The following TMEM131 variants were observed in gnomAD, a reference collection of about 807,000 sequenced individuals.
TMEM131 encodes the protein transmembrane protein 131, also known as 2610524E03Rik.
In TMEM131, 66 loss-of-function variants were observed where a neutral mutation model predicts 211.6. The observed-to-expected ratio is 0.31, with a 90% confidence interval of 0.26 to 0.38. The LOEUF (loss-of-function observed/expected upper bound fraction) is 0.38, where lower values mean the gene tolerates loss of function less well. TMEM131 is among the 10% of genes least tolerant of loss of function. The pLI is 1.00. For missense variants in TMEM131, 2,036 were observed against 2,299.3 expected, an observed-to-expected ratio of 0.89 and a Z score of 2.34; for synonymous variants, 844 against 841.3, an observed-to-expected ratio of 1.00 and a Z score of -0.06.
At chr2:97,847,595 T>C (rs1347399619) in intron 5 of TMEM131, among the ~76,000 whole-genome samples, 1 of 152,178 alleles carries the variant, frequency 6.6e-6, no homozygotes, top group Non-Finnish European at 1.5e-5. Context: ...ATGTTAGTTC[T>C]CCTGAAATGG....
intron 31 of TMEM131, among the ~76,000 whole-genome samples, chr2:97,790,440 CAAT>C (rs1559360180): frequency 6.6e-6 from 1 of 152,192 alleles, no homozygotes; most frequent in Non-Finnish European, 1.5e-5. Context: ...CAAGAGTCAC[CAAT>C]AATGTGGCAT....
chr2:97,838,426 CTTTTTTTTTTTTTTTTTTTTTT>C (rs753635047), intron 7 of TMEM131, among the ~76,000 whole-genome samples: 10 of 89,094 alleles, frequency 1.1e-4, no homozygotes, highest in East Asian at 5.0e-4. Context: ...TAAGCTTAAA[CTTTTTTTTTTTTTTTTTTTTTT>C]TTTTTTTTTT....
At chr2:97,850,234 A>T (rs1384972778) in intron 5 of TMEM131, among the ~76,000 whole-genome samples, 1 of 152,178 alleles carries the variant, frequency 6.6e-6, no homozygotes, top group Admixed American at 6.6e-5. Context: ...AAAAATGCAG[A>T]CCTAACAGAT....
At chr2:97,871,026 C>CA (rs1275076975) in intron 4 of TMEM131, among the ~76,000 whole-genome samples, 1 of 152,114 alleles carries the variant, frequency 6.6e-6, no homozygotes, top group African/African-American at 2.4e-5. Context: ...TTTATCTTGA[C>CA]AATAAAGACA....
At chr2:97,947,640 TAGACAGTCAATACAATTCCAATCA>T (rs1318537064) in intron 1 of TMEM131, among the ~76,000 whole-genome samples, 1 of 152,140 alleles carries the variant, frequency 6.6e-6, no homozygotes, top group African/African-American at 2.4e-5. Context: ...CAAATTGATC[TAGACAGTCAATACAATTCCAATCA>T]AGTTTTTTGT....
chr2:97,826,738 A>AC (rs1682406522), intron 11 of TMEM131, among the ~76,000 whole-genome samples: 1 of 152,130 alleles, frequency 6.6e-6, no homozygotes, highest in African/African-American at 2.4e-5. Context: ...AAAAAAGTGT[A>AC]CCCTAGTCCT....
intron 25 of TMEM131, among the ~76,000 whole-genome samples, chr2:97,800,568 G>T (rs1680980184): frequency 7.3e-6 from 1 of 136,988 alleles, no homozygotes; most frequent in Non-Finnish European, 1.5e-5. Flanking sequence ...TGGCCAACAT[G>T]GTGAAACCCC....
At chr2:97,905,563 C>A (rs1676034444) in intron 3 of TMEM131, among the ~76,000 whole-genome samples, 1 of 152,152 alleles carries the variant, frequency 6.6e-6, no homozygotes. Flanking sequence ...GTTTTTTAGT[C>A]ATTTTTCTCC....
In TMEM131 at chr2:97,797,520, G is replaced by C; in HGVS notation, c.2719-4C>G. On this transcript the variant is annotated splice_region_variant and splice_polypyrimidine_tract_variant and intron_variant, in intron 25 of 40. Transcript: ENST00000186436. ...TTGAACTCTGCAGTGGATGAGCCTT[G>C]AATCATTGGGTAAACAGAGAGGAGT... 1 of 1,604,740 alleles carries C rather than the reference G, an allele frequency of 6.2e-7. No individual in the cohort carries two copies. The highest frequency in any genetic ancestry group is 8.5e-7 in the Non-Finnish European group (1 of 1,176,282).
rs749435273 is a variant in TMEM131 at position 97,834,687 on chromosome 2, A to C, written c.956-10T>G. The C allele has an allele frequency of 6.3e-7, 1 of 1,597,288 alleles. No individual in the cohort carries two copies. Among genetic ancestry groups the C allele is most frequent in the Non-Finnish European group, 8.5e-7 (1 of 1,174,150 alleles). ...GAATAAATTCCAGGAGCTTGGAAAA[A>C]AGAAAAGTCAACAATTATTTTTCAC... On this transcript the variant is annotated splice_polypyrimidine_tract_variant and intron_variant, in intron 9 of 40. Coordinates refer to ENST00000186436, the MANE Select transcript of TMEM131 (RefSeq NM_015348.2).
At chr2:97,853,413 G>A (rs949559605) in intron 5 of TMEM131, among the ~76,000 whole-genome samples, 1 of 139,146 alleles carries the variant, frequency 7.2e-6, no homozygotes, top group African/African-American at 2.7e-5. Context: ...TCGCCAACAT[G>A]GTGAAATCCC....
chr2:97,913,637 T>C (rs1217712154), intron 2 of TMEM131, among the ~76,000 whole-genome samples: 2 of 152,224 alleles, frequency 1.3e-5, no homozygotes, highest in Non-Finnish European at 2.9e-5. Context: ...AAGATGGCCA[T>C]ACTTTTATAC....
rs534027876 is a variant in TMEM131 at position 97,807,646 on chromosome 2, G to A, written c.2056-1943C>T. ...GGATTCCTTTATAGCAACACAAATG[G>A]ATCCAGACCAACATCTTGTTTTTAT... On this transcript the variant is annotated intron_variant, in intron 19 of 40. Transcript: ENST00000186436. 2.6e-5 allele frequency among the ~76,000 whole-genome samples: 4 copies of A among 152,232 alleles called. No homozygotes were observed. In the East Asian group the frequency reaches 7.7e-4, roughly 29 times the overall value.
intron 4 of TMEM131, among the ~76,000 whole-genome samples, chr2:97,883,448 A>C (rs1053714101): frequency 4.6e-5 from 7 of 152,162 alleles, no homozygotes; most frequent in Non-Finnish European, 7.3e-5. Flanking sequence ...TCAGCTCATG[A>C]GATTTCAGGT....
Position 97,797,878 on chromosome 2 carries a change from T to C in TMEM131, c.2719-362A>G, listed in dbSNP as rs140235253. On this transcript the variant is annotated intron_variant, in intron 25 of 40. Coordinates refer to ENST00000186436, the MANE Select transcript of TMEM131 (RefSeq NM_015348.2). ...ACCTAAGATGATCAGCTAGACACAT[T>C]AGCACAAAGCAAACACTTGTGGAAC... Among the ~76,000 whole-genome samples, 575 of 152,272 alleles carry C rather than the reference T, an allele frequency of 3.8e-3. 3 individuals are homozygous for C. The highest frequency in any genetic ancestry group is 0.013 in the African/African-American group (549 of 41,566).
At chr2:97,794,250 G>A (rs1057114920) in intron 29 of TMEM131, among the ~76,000 whole-genome samples, 4 of 151,888 alleles carry the variant, frequency 2.6e-5, no homozygotes, top group Admixed American at 6.6e-5. Context: ...TGGCAAGGCT[G>A]GTCTTGAATT....
chr2:97,901,236 G>A (rs1178317909), intron 3 of TMEM131, among the ~76,000 whole-genome samples: 1 of 152,116 alleles, frequency 6.6e-6, no homozygotes, highest in Non-Finnish European at 1.5e-5. Context: ...TTTTTTAAAT[G>A]GGGATATTTT....
intron 5 of TMEM131, among the ~76,000 whole-genome samples, chr2:97,844,484 T>C (rs1045253305): frequency 6.6e-6 from 1 of 152,232 alleles, no homozygotes; most frequent in Admixed American, 6.5e-5. Flanking sequence ...CAACAGATGG[T>C]TTCCTGGATT....
In TMEM131 at chr2:97,953,480, A is replaced by G. The variant is rs192155517; in HGVS notation, c.188-25993T>C. On this transcript the variant is annotated intron_variant, in intron 1 of 40. Transcript: ENST00000186436. ...CGATACTTTAAAAATCAATCCATCA[A>G]TAAAAAAATACTGCTCCTAAAAGTA... 4.6e-5 allele frequency among the ~76,000 whole-genome samples: 7 copies of G among 152,348 alleles called. No homozygotes were observed. The East Asian group carries it at 9.6e-4, about 21-fold the overall frequency.
Sources: allele counts gnomAD v4.1 joint callset (sites outside exome capture counted in the v4.1 genomes callset), GRCh38; gene constraint gnomAD v4.1.1; transcripts MANE v1.5; gene names NCBI Gene and HGNC (gene_info 2026-07-23, HGNC 2026-07-21).